NEB: variants seen among roughly 807,000 people sequenced by gnomAD.
NEB encodes the protein nemaline myopathy type 2.
A neutral mutation model predicts 952.2 loss-of-function variants in NEB; 512 were observed. That is an observed-to-expected ratio of 0.54 (90% confidence interval 0.50 to 0.58). NEB has a LOEUF of 0.58. NEB is among the 20% of genes least tolerant of loss of function. The pLI, the probability that NEB is intolerant of heterozygous loss-of-function variation, is 0.00. For missense variants in NEB, 8,428 were observed against 9,231.1 expected, an observed-to-expected ratio of 0.91 and a Z score of 3.56; for synonymous variants, 2,900 against 3,149.8, an observed-to-expected ratio of 0.92 and a Z score of 2.66.
intron 77 of NEB, 31 bp from the exon 78 acceptor site, chr2:151,612,420 G>C: frequency 6.3e-7 from 1 of 1,586,258 alleles, no homozygotes; most frequent in Non-Finnish European, 8.6e-7. Context: ...AATATTTATA[G>C]ATGTCACCTA....
Position 151,634,614 on chromosome 2 carries a change from C to G in NEB, c.9103-649G>C, listed in dbSNP as rs548807123. Among the ~76,000 whole-genome samples, 11 of 152,040 alleles carry G rather than the reference C, an allele frequency of 7.2e-5. No individual in the cohort carries two copies. In the South Asian group the frequency reaches 2.3e-3, roughly 32 times the overall value. ...CCAAAATTACGCCACTGCACTCCAGCCTGGGTGACAGCAAGACTCCATCTC... is the reference window on the plus strand; with the variant it reads ...CCAAAATTACGCCACTGCACTCCAGGCTGGGTGACAGCAAGACTCCATCTC... On this transcript the variant is annotated intron_variant, in intron 64 of 181. Coordinates refer to ENST00000397345, the MANE Select transcript of NEB (RefSeq NM_001164508.2).
At chr2:151,570,054 G>A (rs1027323849) in intron 109 of NEB, 27 bp downstream of exon 109, 35 of 1,578,986 alleles carry the variant, frequency 2.2e-5, no homozygotes, top group Non-Finnish European at 3.0e-5. Flanking sequence ...TGAGAAAAGA[G>A]TTCAACCCCA....
At position 151,490,059 on chromosome 2, in the gene NEB, G is replaced by T. The variant is rs771080616; in HGVS notation, c.25316C>A (p.Thr8439Asn). Reference sequence around the variant, plus strand: ...TGATCGTTGTTGTGGGAGCTCTGTGGTTTTTGCATGTTTGTAAGCTGAAAA... The same window carrying T: ...TGATCGTTGTTGTGGGAGCTCTGTGTTTTTTGCATGTTTGTAAGCTGAAAA... ...AVSTAYKHAKTTELPQQRSSS... is the reference protein window; with the variant it reads ...AVSTAYKHAKNTELPQQRSSS... The change falls in exon 181 of 182, where the codon ACC (threonine) becomes AAC (asparagine). Residue 8439 changes from threonine to asparagine, a missense_variant. Thr to Asn is a moderately conservative substitution (Grantham distance 65, BLOSUM62 0). Coordinates refer to ENST00000397345, the MANE Select transcript of NEB (RefSeq NM_001164508.2). 2 of 1,609,154 alleles carry T rather than the reference G, an allele frequency of 1.2e-6. No homozygotes were observed. The highest frequency in any genetic ancestry group is 2.2e-5 in the South Asian group (2 of 89,610).
intron 107 of NEB, among the ~76,000 whole-genome samples, chr2:151,573,082 T>C (rs2096703029): frequency 6.6e-6 from 1 of 152,208 alleles, no homozygotes; most frequent in African/African-American, 2.4e-5. Flanking sequence ...CACATACAAA[T>C]ATTCTGCTAA....
Position 151,546,336 on chromosome 2 carries a change from T to A in NEB, c.20466+9A>T, listed in dbSNP as rs767636080. 6.2e-7 allele frequency: 1 copy of A among 1,606,628 alleles called. No homozygotes were observed. ...GGGGTAATTATGCATTGTGATGATG[T>A]GCACTCACCCAGAGCTTCCGCAGGT... On this transcript the variant is annotated intron_variant, in intron 134 of 181. Coordinates refer to ENST00000397345, the MANE Select transcript of NEB (RefSeq NM_001164508.2).
At chr2:151,711,160 C>CGTTA (rs2099744007) in intron 10 of NEB, among the ~76,000 whole-genome samples, 2 of 152,118 alleles carry the variant, frequency 1.3e-5, no homozygotes, top group South Asian at 4.1e-4. Flanking sequence ...GCCTCAGAAC[C>CGTTA]CAACACAAAA....
Position 151,666,380 on chromosome 2 carries a change from C to T in NEB, c.4741G>A (p.Glu1581Lys), listed in dbSNP as rs2099216871. 4.3e-6 allele frequency: 7 copies of T among 1,613,440 alleles called. No homozygotes were observed. Among genetic ancestry groups the T allele is most frequent in the South Asian group, 2.2e-5 (2 of 91,068 alleles). The change falls in exon 41 of 182, where the codon GAG (glutamate) becomes AAG (lysine). Residue 1581 changes from glutamate (E) to lysine (K), a missense_variant. By Grantham distance (56) the Glu-to-Lys change is moderately conservative. Coordinates refer to ENST00000397345, the MANE Select transcript of NEB (RefSeq NM_001164508.2). ...CCAACTTGCTTGCCTTTGGCTTTCT[C>T]GTAGGCCTCCTTATATTTGCACTAT... Reference protein sequence around the residue: ...ASDCKYKEAYEKAKGKQVGFL... With the variant: ...ASDCKYKEAYKKAKGKQVGFL...
chr2:151,684,617 A>G (rs982176492), intron 28 of NEB, among the ~76,000 whole-genome samples, 161 bp downstream of exon 28: 6 of 152,188 alleles, frequency 3.9e-5, no homozygotes, highest in Non-Finnish European at 7.3e-5. Flanking sequence ...GTTCTTCCTA[A>G]CCTTGAAGGG....
At chr2:151,733,981 A>G (rs1241962351) in intron 1 of NEB, among the ~76,000 whole-genome samples, 186 bp from the exon 2 acceptor site, 1 of 152,168 alleles carries the variant, frequency 6.6e-6, no homozygotes, top group Non-Finnish European at 1.5e-5. Flanking sequence ...TCATCCAAAG[A>G]TGTTTGCCAT....
In NEB at chr2:151,505,378, A is replaced by C; in HGVS notation, c.23742+100T>G. 4 of 1,038,436 alleles carry C rather than the reference A, an allele frequency of 3.9e-6. No individual in the cohort carries two copies. The Admixed American group carries it at 7.4e-5, about 19-fold the overall frequency. The allele number at this position is 1,038,436 out of a possible 1,614,324, so 64.3% of individuals were successfully genotyped here. On this transcript the variant is annotated intron_variant, in intron 165 of 181. Transcript: ENST00000397345. ...GGAGAATTCACAACATCCCCAAGGC[A>C]TGGAAGCTCTTGATAGGAAGCAGAA...
At position 151,679,797 on chromosome 2, in the gene NEB, C is replaced by A; in HGVS notation, c.3179G>T (p.Ser1060Ile). The A allele has an allele frequency of 6.2e-7, 1 of 1,613,840 alleles. No individual in the cohort carries two copies. Among genetic ancestry groups the A allele is most frequent in the Middle Eastern group, 1.7e-4 (1 of 6,060 alleles). Residue 1060 changes from serine (S) to isoleucine (I), a missense_variant, in exon 32 of 182, where the codon AGC becomes ATC. By Grantham distance (142) the Ser-to-Ile change is moderately radical (BLOSUM62 -2). Around this residue, in one of 11 missense-constraint regions of NEB, gnomAD observed 2,851 missense variants for 2,791.5 expected, o/e 1.02. Coordinates refer to ENST00000397345, the MANE Select transcript of NEB (RefSeq NM_001164508.2). ...AGTTCTCAGGTCATATCCCTTCTTG[C>A]TCAAGTCTTTCAAGTCTGCTTTGTA... is the stretch of plus-strand genomic sequence containing the variant. Reference protein sequence around the residue: ...NMYKADLKDLSKKGYDLRTDA... With the variant: ...NMYKADLKDLIKKGYDLRTDA...
At chr2:151,654,673 T>A (rs1198480968) in intron 51 of NEB, among the ~76,000 whole-genome samples, 3 of 152,204 alleles carry the variant, frequency 2.0e-5, no homozygotes, top group Admixed American at 1.3e-4. Flanking sequence ...GAGAATCTTA[T>A]ACAGAATTTC....
chr2:151,729,540 G>T, intron 4 of NEB, 75 bp downstream of exon 4: 1 of 1,512,208 alleles, frequency 6.6e-7, no homozygotes, highest in Non-Finnish European at 9.2e-7. Context: ...TTGTGGCCCT[G>T]GGAGTCTAAG....
intron 129 of NEB, among the ~76,000 whole-genome samples, chr2:151,550,073 C>A (rs1008077873): frequency 3.3e-5 from 5 of 151,892 alleles, no homozygotes; most frequent in African/African-American, 1.2e-4. Flanking sequence ...TTGAGACTAG[C>A]CTGGACAACA....
chr2:151,487,577 TTAA>T (rs2051949613), intron 181 of NEB, among the ~76,000 whole-genome samples: 2 of 152,306 alleles, frequency 1.3e-5, no homozygotes, highest in East Asian at 1.9e-4. Context: ...ATTTCACATT[TTAA>T]TAATATCACG....
At position 151,555,024 on chromosome 2, in the gene NEB, A is replaced by G. The variant is rs1412742054; in HGVS notation, c.19335T>C (p.Tyr6445=). 2.5e-6 allele frequency: 4 copies of G among 1,611,150 alleles called. No individual in the cohort carries two copies. The highest frequency in any genetic ancestry group is 3.3e-5 in the Admixed American group (2 of 60,004). ...LASHIKYREE[Y]EKFKALYTLP... ...ACGTATAAAGAGCTTTGAACTTTTC[A>G]TATTCTTCCCGATATTTGATCTATA... Residue 6445 remains tyrosine (Y), a synonymous_variant, in exon 125 of 182, where the codon TAT becomes TAC. Coordinates refer to ENST00000397345, the MANE Select transcript of NEB (RefSeq NM_001164508.2).
At chr2:151,666,037 T>C (rs2099213053) in intron 41 of NEB, 53 bp downstream of exon 41, 1 of 1,537,432 alleles carries the variant, frequency 6.5e-7, no homozygotes, top group Admixed American at 1.8e-5. Context: ...GTGGCTCCTG[T>C]TTTTTCCTCC....
rs1574762449 is a variant in NEB at position 151,639,262 on chromosome 2, C to T, written c.8994+18G>A. On this transcript the variant is annotated intron_variant, in intron 63 of 181. Transcript: ENST00000397345. ...GAAATAAGCAGCAGTGTGCAAATGT[C>T]AAAGAATCTGCTCTCACCTCACTGT... The T allele has an allele frequency of 4.0e-6, 6 of 1,513,284 alleles. No homozygotes were observed. Among genetic ancestry groups the T allele is most frequent in the Non-Finnish European group, 5.3e-6 (6 of 1,123,678 alleles). 93.7% of individuals were successfully genotyped at this position (1,513,284 alleles called of 1,614,324 possible).
At chr2:151,694,910 A>G (rs772457380) in intron 18 of NEB, among the ~76,000 whole-genome samples, 1 of 152,222 alleles carries the variant, frequency 6.6e-6, no homozygotes, top group Non-Finnish European at 1.5e-5. Flanking sequence ...TTTATAGAGT[A>G]GCACATATAT....
Sources: gnomAD v4.1 joint callset for allele counts (sites outside exome capture counted in the v4.1 genomes callset) on GRCh38, gnomAD v4.1.1 for gene constraint, gnomAD v4.1.1 regional missense constraint, MANE v1.5 for transcripts, NCBI Gene and HGNC (gene_info 2026-07-23, HGNC 2026-07-21) for gene names.